Variants in PAK3 observed in about 807,000 individuals in gnomAD.
PAK3 encodes p21 (RAC1) activated kinase 3.
PAK3 carries 4 observed loss-of-function variants against 41.0 expected under a neutral mutation model. The ratio of observed to expected loss-of-function variants is 0.10; its 90% CI spans 0.05 to 0.22. The LOEUF (loss-of-function observed/expected upper bound fraction) is 0.22. Among genes scored for constraint, PAK3 ranks in the 10% least tolerant of loss-of-function variants. The pLI is 1.00. For missense variants in PAK3, 205 were observed against 409.9 expected (o/e 0.50, Z 4.32); for synonymous variants, 146 against 139.6 (o/e 1.05, Z -0.32).
chrX:111,111,516 C>T lies in PAK3; in HGVS notation c.-28+8210C>T, dbSNP rs748784486. ...TTTCTATAAAACTTATTATAAGTGC[C>T]GTTCTATTGGCCAAAAATATTATAA... On this transcript the variant is annotated intron_variant, in intron 4 of 17. Coordinates refer to ENST00000372007, the MANE Select transcript of PAK3 (RefSeq NM_002578.5). Among the ~76,000 whole-genome samples, 12 of 111,483 alleles carry T rather than the reference C, an allele frequency of 1.1e-4. No homozygotes were observed. In the South Asian group the frequency reaches 4.2e-3, roughly 39 times the overall value.
intron 1 of PAK3, among the ~76,000 whole-genome samples, chrX:111,038,784 A>G (rs1339382736): frequency 1.8e-5 from 2 of 112,325 alleles, no homozygotes; most frequent in African/African-American, 6.5e-5. Context: ...AATGTTTATA[A>G]TTTGCTTAGA....
At chrX:111,161,002 A>G (rs1283806042) in intron 8 of PAK3, among the ~76,000 whole-genome samples, 1 of 111,391 alleles carries the variant, frequency 9.0e-6, no homozygotes, top group Non-Finnish European at 1.9e-5. Flanking sequence ...GGCTGGGTCA[A>G]ATGGTATTTC....
chrX:111,187,059 TTGA>T (rs898489670), intron 11 of PAK3, among the ~76,000 whole-genome samples: 81 of 111,893 alleles, frequency 7.2e-4, no homozygotes, highest in Non-Finnish European at 1.0e-3. Context: ...ATAAATAATT[TTGA>T]TGATTGAACT....
At chrX:110,985,404 T>C (rs2091524051) in intron 1 of PAK3, among the ~76,000 whole-genome samples, 1 of 112,545 alleles carries the variant, frequency 8.9e-6, no homozygotes, top group African/African-American at 3.2e-5. Flanking sequence ...GGACTTTGTC[T>C]TTTTCATCAT....
chrX:110,967,376 G>A (rs1365525514), intron 1 of PAK3, among the ~76,000 whole-genome samples: 1 of 111,743 alleles, frequency 8.9e-6, no homozygotes, highest in Non-Finnish European at 1.9e-5. Flanking sequence ...GGCTGTGTTG[G>A]AGACGGGTAA....
At chrX:111,125,107 T>C (rs904541678) in intron 5 of PAK3, among the ~76,000 whole-genome samples, 3 of 111,935 alleles carry the variant, frequency 2.7e-5, no homozygotes, top group Non-Finnish European at 5.6e-5. Context: ...CTGAAAATCC[T>C]AGTGCATGAG....
chrX:111,061,888 C>T (rs1249306040), intron 1 of PAK3, among the ~76,000 whole-genome samples: 2 of 110,649 alleles, frequency 1.8e-5, no homozygotes, highest in Admixed American at 9.6e-5. Flanking sequence ...AATCACGGCT[C>T]ACTGCAGCCT....
chrX:111,033,710 T>C (rs1185965953), intron 1 of PAK3, among the ~76,000 whole-genome samples: 1 of 111,306 alleles, frequency 9.0e-6, no homozygotes, highest in East Asian at 2.8e-4. Context: ...GATTCCTATT[T>C]GACTAATTGC....
At chrX:111,125,667 A>G (rs1280945969) in intron 5 of PAK3, among the ~76,000 whole-genome samples, 1 of 111,883 alleles carries the variant, frequency 8.9e-6, no homozygotes, top group Non-Finnish European at 1.9e-5. Context: ...TATTGGACAG[A>G]AACAATCTTC....
chrX:111,208,925 G>A (rs113611611), intron 16 of PAK3, among the ~76,000 whole-genome samples: 1,626 of 100,719 alleles, frequency 0.016, 35 homozygotes, highest in African/African-American at 0.072. Context: ...CATAGATACC[G>A]AGGAATGACG....
chrX:111,110,719 CAG>C (rs1436969327), intron 4 of PAK3, among the ~76,000 whole-genome samples: 1 of 111,312 alleles, frequency 9.0e-6, no homozygotes, highest in Admixed American at 9.5e-5. Context: ...ACCAAATGTT[CAG>C]AGTCTGGGAA....
At chrX:111,108,351 A>G (rs1265279682) in intron 4 of PAK3, among the ~76,000 whole-genome samples, 1 of 111,932 alleles carries the variant, frequency 8.9e-6, no homozygotes, top group African/African-American at 3.3e-5. Context: ...GTACTTATTA[A>G]GATCTAACCA....
At chrX:110,980,977 C>A (rs898754427) in intron 1 of PAK3, among the ~76,000 whole-genome samples, 7 of 111,626 alleles carry the variant, frequency 6.3e-5, no homozygotes, top group African/African-American at 2.0e-4. Context: ...GGTTTCATGG[C>A]TGGATTTGGG....
intron 1 of PAK3, among the ~76,000 whole-genome samples, chrX:111,016,269 G>C (rs773107864): frequency 1.9e-4 from 21 of 112,007 alleles, no homozygotes; most frequent in Non-Finnish European, 3.6e-4. Flanking sequence ...GACATAGGTT[G>C]GAGGAGTGAA....
chrX:110,984,046 C>A (rs1297936511), intron 1 of PAK3, among the ~76,000 whole-genome samples: 1 of 111,747 alleles, frequency 8.9e-6, no homozygotes, highest in Non-Finnish European at 1.9e-5. Context: ...ATCTCTTTCC[C>A]AAACCACTGC....
At chrX:111,116,849 G>A (rs1392606094) in intron 4 of PAK3, among the ~76,000 whole-genome samples, 1 of 112,369 alleles carries the variant, frequency 8.9e-6, no homozygotes, top group Non-Finnish European at 1.9e-5. Context: ...ATTGAAACTA[G>A]GTGGCTGTAA....
At chrX:110,973,230 C>T (rs1219965785) in intron 1 of PAK3, among the ~76,000 whole-genome samples, 1 of 111,170 alleles carries the variant, frequency 9.0e-6, no homozygotes, top group Non-Finnish European at 1.9e-5. Context: ...AAAGATACTC[C>T]TAGAGAAGAG....
chrX:110,998,916 CA>C (rs1456217738), intron 1 of PAK3, among the ~76,000 whole-genome samples: 1 of 112,060 alleles, frequency 8.9e-6, no homozygotes, highest in Admixed American at 9.4e-5. Flanking sequence ...TCATTCCTGC[CA>C]CACTCCTGGC....
Position 111,123,143 on chromosome X carries a change from C to T in PAK3, c.40C>T (p.Pro14Ser). Reference protein sequence around the residue: ...GLDNEEKPPAPPLRMNSNNRD... With the variant: ...GLDNEEKPPASPLRMNSNNRD... ...GGATAATGAAGAGAAACCCCCGGCT[C>T]CTCCACTGAGGATGAATAGTAACAA... The change falls in exon 5 of 18, where the codon CCT becomes TCT. Residue 14 changes from proline (P) to serine (S), a missense_variant. By Grantham distance (74) the Pro-to-Ser change is moderately conservative (BLOSUM62 -1). This residue lies in a region of PAK3 where 26 missense variants were observed against 27.4 expected (regional missense o/e 0.95). Coordinates refer to ENST00000372007, the MANE Select transcript of PAK3 (RefSeq NM_002578.5). 1 of 1,207,014 alleles carries T rather than the reference C, an allele frequency of 8.3e-7. No individual in the cohort carries two copies. Among genetic ancestry groups the T allele is most frequent in the Non-Finnish European group, 1.1e-6 (1 of 891,134 alleles).
Sources: gnomAD v4.1 joint callset for allele counts (sites outside exome capture counted in the v4.1 genomes callset) on GRCh38, gnomAD v4.1.1 for gene constraint, gnomAD v4.1.1 regional missense constraint, MANE v1.5 for transcripts, NCBI Gene and HGNC (gene_info 2026-07-23, HGNC 2026-07-21) for gene names.